The following AQR variants were observed in gnomAD, a reference collection of about 807,000 sequenced individuals.
AQR encodes the protein aquarius intron-binding spliceosomal factor.
In AQR, 61 loss-of-function variants were observed where a neutral mutation model predicts 180.5. The observed-to-expected ratio is 0.34, with a 90% confidence interval of 0.28 to 0.42. The LOEUF (loss-of-function observed/expected upper bound fraction) is 0.42. Among genes scored for constraint, AQR ranks in the 10% least tolerant of loss-of-function variants. The pLI, the probability that AQR is intolerant of heterozygous loss-of-function variation, is 1.00. For missense variants in AQR, 1,281 were observed against 1,798.3 expected (o/e 0.71, Z 5.20); for synonymous variants, 551 against 588.8 (o/e 0.94, Z 0.93).
chr15:34,946,921 A>G (rs8025893), intron 5 of AQR, among the ~76,000 whole-genome samples: 105,933 of 143,940 alleles, frequency 0.74, 39,555 homozygotes, highest in Non-Finnish European at 0.83. Context: ...CAGCCGCCCC[A>G]TCCGGGAGGT....
intron 13 of AQR, 22 bp downstream of exon 13, chr15:34,927,013 A>G (rs550748585): frequency 1.1e-5 from 16 of 1,398,020 alleles, no homozygotes; most frequent in African/African-American, 1.5e-5. Context: ...AAAAGAATAT[A>G]TAGTTTTTCA....
chr15:34,882,759 T>C (rs1178318723), intron 26 of AQR, 120 bp from the exon 27 acceptor site: 1 of 823,198 alleles, frequency 1.2e-6, no homozygotes, highest in Non-Finnish European at 1.7e-6. Context: ...AAACTAAGCC[T>C]AATGAATTAT....
rs1892553052 is a variant in AQR at position 34,854,132 on chromosome 15, G to T, written c.*2660C>A. ...CTATTTATCCTCAACTGTTGGCAAT[G>T]AACTTTCTTAACTCAGAATTTTGAA... is the stretch of plus-strand genomic sequence containing the variant. On this transcript the variant is annotated 3_prime_UTR_variant, in exon 35 of 35. Transcript: ENST00000156471. 7.5e-6 allele frequency: 1 copy of T among 134,108 alleles called. No individual in the cohort carries two copies. The highest frequency in any genetic ancestry group is 1.6e-5 in the Non-Finnish European group (1 of 64,360). The allele number at this position is 134,108 out of a possible 1,614,324, so 8.3% of individuals were successfully genotyped here. A position where few individuals can be genotyped will look rare whatever the true frequency, so the allele number is the denominator to read the frequency against.
At chr15:34,926,906 G>A (rs185035988) in intron 13 of AQR, 129 bp downstream of exon 13, 14 of 463,012 alleles carry the variant, frequency 3.0e-5, no homozygotes, top group South Asian at 1.7e-4. Context: ...AGTTGTAGAC[G>A]TCAACGAAGA....
In AQR at chr15:34,916,205, T is replaced by C. The variant is rs185596150; in HGVS notation, c.1343-1026A>G. On this transcript the variant is annotated intron_variant, in intron 15 of 34. Coordinates refer to ENST00000156471, the MANE Select transcript of AQR (RefSeq NM_014691.3). ...TGAACACTGAATTATTATGTTACAT[T>C]GCATAAATCAATCTCCAATGATTAT... Among the ~76,000 whole-genome samples, 14 of 152,324 alleles carry C rather than the reference T, an allele frequency of 9.2e-5. No homozygotes were observed. In the East Asian group the frequency reaches 1.7e-3, roughly 19 times the overall value.
chr15:34,872,298 A>G (rs2140462153), intron 30 of AQR, among the ~76,000 whole-genome samples: 1 of 152,294 alleles, frequency 6.6e-6, no homozygotes, highest in Middle Eastern at 3.4e-3. Flanking sequence ...ACTTAAATGC[A>G]TAGTATTCTT....
intron 24 of AQR, among the ~76,000 whole-genome samples, chr15:34,888,213 C>T (rs1893091389): frequency 6.6e-6 from 1 of 150,742 alleles, no homozygotes. Flanking sequence ...CATGAGAATC[C>T]CTTGAACCCA....
chr15:34,886,186 C>T (rs539519483), intron 25 of AQR, among the ~76,000 whole-genome samples: 3 of 152,158 alleles, frequency 2.0e-5, no homozygotes, highest in East Asian at 1.9e-4. Context: ...GTTAACTGTA[C>T]TTTGTTGCCA....
At chr15:34,897,918 C>T (rs1023608064) in intron 20 of AQR, among the ~76,000 whole-genome samples, 7 of 152,096 alleles carry the variant, frequency 4.6e-5, no homozygotes, top group Non-Finnish European at 7.3e-5. Flanking sequence ...ACCCAGTTAA[C>T]GGAGAATTAC....
At position 34,910,330 on chromosome 15, in the gene AQR, G is replaced by A. The variant is rs1251834070; in HGVS notation, c.1485-17C>T. On this transcript the variant is annotated splice_polypyrimidine_tract_variant and intron_variant, in intron 16 of 34. Transcript: ENST00000156471. ...TCAGATTGCCTGAAACCAAAGAAAT[G>A]GATGATTACTCAAACAAAAAATAAT... is the stretch of plus-strand genomic sequence containing the variant. The A allele has an allele frequency of 2.5e-6, 4 of 1,605,584 alleles. No homozygotes were observed. The highest frequency in any genetic ancestry group is 3.4e-6 in the Non-Finnish European group (4 of 1,173,720).
At chr15:34,918,491 A>AC in intron 14 of AQR, 113 bp from the exon 15 acceptor site, 1 of 1,258,796 alleles carries the variant, frequency 7.9e-7, no homozygotes, top group South Asian at 1.5e-5. Flanking sequence ...TCAACAAGCG[A>AC]TTTTTTTTTC....
chr15:34,953,612 A>C (rs1894264890), intron 3 of AQR, among the ~76,000 whole-genome samples: 1 of 152,240 alleles, frequency 6.6e-6, no homozygotes. Flanking sequence ...GGTTTTTACT[A>C]TGCAAAAGAC....
chr15:34,952,840 G>A, intron 4 of AQR, 45 bp downstream of exon 4: 3 of 1,339,114 alleles, frequency 2.2e-6, no homozygotes, highest in Non-Finnish European at 3.1e-6. Flanking sequence ...AGCTAAAACT[G>A]AAATCACATT....
intron 12 of AQR, 38 bp downstream of exon 12, chr15:34,930,220 T>G (rs373673201): frequency 2.1e-4 from 283 of 1,317,264 alleles, no homozygotes; most frequent in Non-Finnish European, 2.8e-4. Context: ...TGATAAAACC[T>G]TATGGAGCAT....
At chr15:34,874,425 A>C in intron 29 of AQR, 1 of 452,292 alleles carries the variant, frequency 2.2e-6, no homozygotes, top group Non-Finnish European at 3.9e-6. Flanking sequence ...AGAAAGGAGA[A>C]GGGACAATGA....
At position 34,862,959 on chromosome 15, in the gene AQR, A is replaced by G; in HGVS notation, c.3937T>C (p.Cys1313Arg). 1 of 1,613,932 alleles carries G rather than the reference A, an allele frequency of 6.2e-7. No individual in the cohort carries two copies. Among genetic ancestry groups the G allele is most frequent in the Non-Finnish European group, 8.5e-7 (1 of 1,179,904 alleles). The change falls in exon 33 of 35, where the codon TGT becomes CGT. Residue 1313 changes from cysteine to arginine, a missense_variant. Physicochemically the swap from Cys to Arg is radical, Grantham distance 180. Transcript: ENST00000156471. ...IFARVSLFQN[C>R]FELTPAFSQL... ...CTGAAAGCTGGAGTCAGTTCAAAACAGTTTTGGAAGAGGGATACTCTGGCG... is the reference window on the plus strand; with the variant it reads ...CTGAAAGCTGGAGTCAGTTCAAAACGGTTTTGGAAGAGGGATACTCTGGCG...
At chr15:34,948,462 T>C (rs1234732823) in intron 4 of AQR, 78 bp from the exon 5 acceptor site, 2 of 1,485,006 alleles carry the variant, frequency 1.3e-6, no homozygotes, top group East Asian at 4.7e-5. Context: ...CAGAAAAGCA[T>C]AATTATTTAC....
intron 27 of AQR, 37 bp downstream of exon 27, chr15:34,882,465 T>TTAA: frequency 8.3e-7 from 1 of 1,199,554 alleles, no homozygotes; most frequent in Non-Finnish European, 1.1e-6. Flanking sequence ...CTGATAATCT[T>TTAA]AAAAAAAAAA....
chr15:34,857,348 G>A (rs564146901), intron 34 of AQR, among the ~76,000 whole-genome samples: 1 of 152,302 alleles, frequency 6.6e-6, no homozygotes, highest in East Asian at 1.9e-4. Context: ...ACCATGAAAA[G>A]CTATTAGATT....
Sources: gnomAD v4.1 joint callset for allele counts (sites outside exome capture counted in the v4.1 genomes callset) on GRCh38, gnomAD v4.1.1 for gene constraint, MANE v1.5 for transcripts, NCBI Gene and HGNC (gene_info 2026-07-23, HGNC 2026-07-21) for gene names.